The following MAMDC2 variants were observed in gnomAD, a reference collection of about 807,000 sequenced individuals.
MAMDC2 encodes MAM domain-containing protein 2.
In MAMDC2, 57 loss-of-function variants were observed where a neutral mutation model predicts 89.8. The ratio of observed to expected loss-of-function variants is 0.63; its 90% confidence interval spans 0.51 to 0.79. The LOEUF is 0.79. Ranked by LOEUF, MAMDC2 falls within the 30% of genes least tolerant of loss-of-function variation. The probability of loss-of-function intolerance (pLI) is 0.00; values close to 1 mark genes in which losing one functional copy is unlikely to be tolerated. For missense variants in MAMDC2, 800 were observed against 820.6 expected (o/e 0.97, Z 0.31); for synonymous variants, 313 against 293.4 (o/e 1.07, Z -0.68).
chr9:70,099,707 G>T (rs1017634042), intron 2 of MAMDC2, among the ~76,000 whole-genome samples: 9 of 152,166 alleles, frequency 5.9e-5, no homozygotes, highest in Non-Finnish European at 1.0e-4. Context: ...AGGCGCGGTG[G>T]TTCACGCCTG....
In MAMDC2 at chr9:70,134,048, C is replaced by A. The variant is rs527937229; in HGVS notation, c.994+2436C>A. Among the ~76,000 whole-genome samples, 18 of 152,262 alleles carry A rather than the reference C, an allele frequency of 1.2e-4. No individual in the cohort carries two copies. In the East Asian group the frequency reaches 3.5e-3, roughly 29 times the overall value. ...ATGCCCTTCTGTTTCATAACAGGTG[C>A]CAACATTTTTTCCTTAACTTGGTTA... On this transcript the variant is annotated intron_variant, in intron 7 of 13. Transcript: ENST00000377182.
intron 11 of MAMDC2, among the ~76,000 whole-genome samples, chr9:70,208,384 C>T (rs1043536486): frequency 1.3e-5 from 2 of 152,118 alleles, no homozygotes; most frequent in African/African-American, 4.8e-5. Context: ...ATTTTATTCT[C>T]TTTGAAGCAA....
At chr9:70,204,231 T>C (rs1161511844) in intron 11 of MAMDC2, among the ~76,000 whole-genome samples, 1 of 149,024 alleles carries the variant, frequency 6.7e-6, no homozygotes, top group Non-Finnish European at 1.5e-5. Context: ...CAGATGGGTT[T>C]TCGGTGTGGA....
chr9:70,055,712 T>C (rs1175688164), intron 2 of MAMDC2, among the ~76,000 whole-genome samples: 1 of 152,202 alleles, frequency 6.6e-6, no homozygotes, highest in East Asian at 1.9e-4. Context: ...TTCTTTTCCA[T>C]AACAGATTAG....
chr9:70,068,828 G>T (rs1304008237), intron 2 of MAMDC2, among the ~76,000 whole-genome samples: 1 of 152,054 alleles, frequency 6.6e-6, no homozygotes, highest in Non-Finnish European at 1.5e-5. Context: ...ATGTCTCCAG[G>T]TCCAAAGAAC....
At chr9:70,223,393 G>A (rs899179434) in intron 12 of MAMDC2, among the ~76,000 whole-genome samples, 1 of 151,992 alleles carries the variant, frequency 6.6e-6, no homozygotes, top group African/African-American at 2.4e-5. Flanking sequence ...TATACCTGTC[G>A]GGCACAAACT....
chr9:70,043,680 T>A, upstream of MAMDC2: 1 of 158,870 alleles, frequency 6.3e-6, no homozygotes, highest in Non-Finnish European at 1.4e-5. Context: ...ACATGCCAGA[T>A]GCAGGGAAGC....
At chr9:70,192,212 G>C (rs886436228) in intron 11 of MAMDC2, among the ~76,000 whole-genome samples, 8 of 152,038 alleles carry the variant, frequency 5.3e-5, no homozygotes, top group African/African-American at 1.9e-4. Flanking sequence ...CTTCAAAACA[G>C]GTGTTTTCTT....
intron 6 of MAMDC2, among the ~76,000 whole-genome samples, chr9:70,130,045 T>TGA (rs1391053702): frequency 6.8e-6 from 1 of 147,408 alleles, no homozygotes; most frequent in East Asian, 2.0e-4. Flanking sequence ...TGTGTGTGTG[T>TGA]GAGAGTGTCT....
chr9:70,188,491 G>C (rs12342108), intron 11 of MAMDC2: 2 of 151,084 alleles, frequency 1.3e-5, no homozygotes, highest in African/African-American at 4.9e-5. Flanking sequence ...TATTTTCTTA[G>C]TGGTTGCCCT....
intron 5 of MAMDC2, among the ~76,000 whole-genome samples, chr9:70,125,008 G>A (rs1311941050): frequency 6.6e-6 from 1 of 152,186 alleles, no homozygotes; most frequent in Non-Finnish European, 1.5e-5. Flanking sequence ...ACTGCACCTG[G>A]CCAGGAATTC....
chr9:70,061,758 G>A (rs1827155932), intron 2 of MAMDC2, among the ~76,000 whole-genome samples: 1 of 152,144 alleles, frequency 6.6e-6, no homozygotes, highest in Admixed American at 6.5e-5. Flanking sequence ...CCTGCAGTTG[G>A]CTCACCCTAG....
chr9:70,157,715 T>G (rs1281837205), intron 9 of MAMDC2: 6 of 152,570 alleles, frequency 3.9e-5, no homozygotes, highest in African/African-American at 1.4e-4. Context: ...TCTGCTTTAT[T>G]CAAACGAGGA....
intron 9 of MAMDC2, among the ~76,000 whole-genome samples, chr9:70,167,638 C>A (rs2032212346): frequency 6.6e-6 from 1 of 152,194 alleles, no homozygotes. Context: ...CAGTGAAAAT[C>A]TAATACAAAT....
chr9:70,044,117 G>A lies in MAMDC2; in HGVS notation c.-81G>A. On this transcript the variant is annotated 5_prime_UTR_variant, in exon 1 of 14. Coordinates refer to ENST00000377182, the MANE Select transcript of MAMDC2 (RefSeq NM_153267.5). Reference sequence around the variant, plus strand: ...GGTCCCCGGCGCCCCCGCCTCCCACGATCCCTTTCACTAGGAGCAGCCAGT... The same window carrying A: ...GGTCCCCGGCGCCCCCGCCTCCCACAATCCCTTTCACTAGGAGCAGCCAGT... 6.4e-7 allele frequency: 1 copy of A among 1,557,422 alleles called. No homozygotes were observed. Among genetic ancestry groups the A allele is most frequent in the Non-Finnish European group, 8.8e-7 (1 of 1,132,756 alleles).
At chr9:70,070,749 C>T (rs953148743) in intron 2 of MAMDC2, among the ~76,000 whole-genome samples, 3 of 152,066 alleles carry the variant, frequency 2.0e-5, no homozygotes, top group African/African-American at 7.2e-5. Flanking sequence ...GTCATAGATC[C>T]TTGCCTACTG....
chr9:70,194,283 T>A (rs972901749), intron 11 of MAMDC2: 2 of 152,090 alleles, frequency 1.3e-5, no homozygotes, highest in African/African-American at 4.8e-5. Context: ...TTTGAATGTG[T>A]CTCCTCCAAA....
intron 11 of MAMDC2, among the ~76,000 whole-genome samples, chr9:70,202,050 T>A (rs1184469317): frequency 6.6e-6 from 1 of 151,948 alleles, no homozygotes; most frequent in African/African-American, 2.4e-5. Flanking sequence ...TGTCTCTATT[T>A]CCTTCAGTTC....
chr9:70,136,531 C>G (rs1270577352), intron 7 of MAMDC2, among the ~76,000 whole-genome samples: 2 of 152,110 alleles, frequency 1.3e-5, no homozygotes, highest in African/African-American at 2.4e-5. Context: ...CCTTCCACCC[C>G]CTCCCACACA....
Sources: allele counts gnomAD v4.1 joint callset (sites outside exome capture counted in the v4.1 genomes callset), GRCh38; gene constraint gnomAD v4.1.1; transcripts MANE v1.5; gene names NCBI Gene and HGNC (gene_info 2026-07-23, HGNC 2026-07-21).